The following MARCHF8 variants were observed in gnomAD, a reference collection of about 807,000 sequenced individuals.
MARCHF8 encodes the protein membrane associated ring-CH-type finger 8, also known as E3 ubiquitin-protein ligase MARCHF8.
A neutral mutation model predicts 51.6 loss-of-function variants in MARCHF8; 40 were observed. The ratio of observed to expected loss-of-function variants is 0.77; its 90% confidence interval spans 0.60 to 1.01. The LOEUF is 1.01. MARCHF8 is among the 50% of genes least tolerant of loss of function. MARCHF8 has a pLI of 0.00. For synonymous variants in MARCHF8, 263 were observed against 280.3 expected, an observed-to-expected ratio of 0.94 and a Z score of 0.62; for missense variants, 685 against 708.6, an observed-to-expected ratio of 0.97 and a Z score of 0.38.
intron 3 of MARCHF8, among the ~76,000 whole-genome samples, chr10:45,466,105 G>A (rs748720189): frequency 5.3e-5 from 8 of 151,938 alleles, no homozygotes; most frequent in Admixed American, 6.5e-5. Context: ...CCTCCTCTCG[G>A]GGCACCCATC....
chr10:45,527,825 T>G (rs1325937758), intron 2 of MARCHF8, among the ~76,000 whole-genome samples: 1 of 151,900 alleles, frequency 6.6e-6, no homozygotes, highest in Non-Finnish European at 1.5e-5. Flanking sequence ...TCAGTACCCC[T>G]AATGAACACA....
intron 2 of MARCHF8, among the ~76,000 whole-genome samples, chr10:45,532,599 A>G (rs1030276507): frequency 5.3e-5 from 8 of 152,242 alleles, no homozygotes; most frequent in Admixed American, 1.3e-4. Flanking sequence ...GCAGCTGTTT[A>G]TAAGTCAGGA....
At chr10:45,581,499 G>C (rs150244350) in intron 1 of MARCHF8, among the ~76,000 whole-genome samples, 1 of 152,260 alleles carries the variant, frequency 6.6e-6, no homozygotes, top group East Asian at 1.9e-4. Flanking sequence ...TTGGGAATGA[G>C]GGCATTGTAA....
chr10:45,494,672 T>C (rs924341285), intron 2 of MARCHF8, among the ~76,000 whole-genome samples: 2 of 152,226 alleles, frequency 1.3e-5, no homozygotes, highest in African/African-American at 2.4e-5. Flanking sequence ...TTTCCTGATA[T>C]TGCCATTGCC....
At chr10:45,469,758 G>A (rs951616616) in intron 3 of MARCHF8, among the ~76,000 whole-genome samples, 9 of 150,428 alleles carry the variant, frequency 6.0e-5, no homozygotes, top group Non-Finnish European at 4.4e-5. Flanking sequence ...CCAGCTACTC[G>A]GGAGGCTGAG....
chr10:45,512,805 T>C (rs1261034050), intron 2 of MARCHF8, among the ~76,000 whole-genome samples: 7 of 152,102 alleles, frequency 4.6e-5, no homozygotes, highest in Non-Finnish European at 7.4e-5. Flanking sequence ...GGGGAAAAGA[T>C]TGGGAAATCG....
intron 1 of MARCHF8, among the ~76,000 whole-genome samples, chr10:45,558,269 G>A (rs1324795706): frequency 2.0e-5 from 3 of 152,118 alleles, no homozygotes; most frequent in Non-Finnish European, 2.9e-5. Flanking sequence ...TCTCCAGGGG[G>A]CAGGGATCTT....
At chr10:45,548,451 A>G (rs2044154095) in intron 1 of MARCHF8, among the ~76,000 whole-genome samples, 1 of 152,196 alleles carries the variant, frequency 6.6e-6, no homozygotes, top group Non-Finnish European at 1.5e-5. Flanking sequence ...TACGTGAATT[A>G]GGTAAACCAG....
chr10:45,491,092 T>C (rs2043072860), intron 2 of MARCHF8, among the ~76,000 whole-genome samples: 1 of 152,058 alleles, frequency 6.6e-6, no homozygotes, highest in Admixed American at 6.6e-5. Flanking sequence ...AGAGACAGGG[T>C]CTTGCTATGC....
At chr10:45,539,382 G>A (rs2044019141), upstream of MARCHF8, among the ~76,000 whole-genome samples, 1 of 152,150 alleles carries the variant, frequency 6.6e-6, no homozygotes, top group Non-Finnish European at 1.5e-5. Context: ...ATCTAAAATT[G>A]ACACCTTAAC....
At chr10:45,572,879 C>A (rs1313206005) in intron 1 of MARCHF8, among the ~76,000 whole-genome samples, 4 of 152,072 alleles carry the variant, frequency 2.6e-5, no homozygotes, top group African/African-American at 9.7e-5. Context: ...CCAAGTCTTT[C>A]CATTTTTTCC....
At chr10:45,545,227 C>T (rs2044105026) in intron 1 of MARCHF8, among the ~76,000 whole-genome samples, 1 of 152,204 alleles carries the variant, frequency 6.6e-6, no homozygotes, top group African/African-American at 2.4e-5. Flanking sequence ...CAGCATATCT[C>T]ATTTTGCTCA....
Position 45,463,566 on chromosome 10 carries a change from G to T in MARCHF8, c.673C>A (p.Arg225Ser). 1.9e-6 allele frequency: 3 copies of T among 1,550,660 alleles called. No homozygotes were observed. Among genetic ancestry groups the T allele is most frequent in the Non-Finnish European group, 2.6e-6 (3 of 1,147,018 alleles). ...HSCVSCLSAG[R>S]STASEVEAGK... ...GCTTCCACCTCTGAGGCAGTTGAGC[G>T]ACCGGCAGAAAGGCATGAAACACAA... Residue 225 changes from arginine (R) to serine (S), a missense_variant, in exon 5 of 8, where the codon CGC becomes AGC. Transcript: ENST00000453424.
intron 1 of MARCHF8, among the ~76,000 whole-genome samples, chr10:45,585,642 G>A (rs1279150023): frequency 6.6e-6 from 1 of 152,146 alleles, no homozygotes; most frequent in Non-Finnish European, 1.5e-5. Flanking sequence ...GATCAGAGAA[G>A]AGAGATGAAG....
At chr10:45,501,307 G>A (rs2133143494) in intron 2 of MARCHF8, among the ~76,000 whole-genome samples, 1 of 152,216 alleles carries the variant, frequency 6.6e-6, no homozygotes, top group East Asian at 1.9e-4. Context: ...AATCACTACT[G>A]TGTGGTACTA....
rs548267222 is a variant in MARCHF8, at chr10:45,526,215, A to G, written c.102+6895T>C. On this transcript the variant is annotated intron_variant, in intron 2 of 7. Coordinates refer to ENST00000453424, the MANE Select transcript of MARCHF8 (RefSeq NM_001282866.2). ...TCACCCTTCAAATAGGTCATCTAAA[A>G]CAGAACACTGGAATTCAACTGAAAA... Among the ~76,000 whole-genome samples the G allele has an allele frequency of 3.3e-5, 5 of 152,300 alleles. No individual in the cohort carries two copies. The South Asian group carries it at 1.0e-3, about 32-fold the overall frequency.
chr10:45,536,875 AATAAT>A (rs1486135145), upstream of MARCHF8, among the ~76,000 whole-genome samples: 1 of 145,902 alleles, frequency 6.9e-6, no homozygotes, highest in East Asian at 2.0e-4. Context: ...TAATAATAAT[AATAAT>A]AAAGACAAAT....
At chr10:45,588,806 G>A (rs991278178) in intron 1 of MARCHF8, among the ~76,000 whole-genome samples, 2 of 151,906 alleles carry the variant, frequency 1.3e-5, no homozygotes, top group African/African-American at 4.8e-5. Context: ...AGACCATCCT[G>A]GCTAACACAG....
In MARCHF8 at chr10:45,503,737, T is replaced by C. The variant is rs535842735; in HGVS notation, c.103-14320A>G. Among the ~76,000 whole-genome samples the C allele has an allele frequency of 2.0e-5, 3 of 151,842 alleles. No individual in the cohort carries two copies. The East Asian group carries it at 5.8e-4, about 29-fold the overall frequency. On this transcript the variant is annotated intron_variant, in intron 2 of 7. Transcript: ENST00000453424. Reference sequence around the variant, plus strand: ...AACAACTCAAATGTCCATCAACACATAAATGGAGAGACAAAATGTGGTATT... The same window carrying C: ...AACAACTCAAATGTCCATCAACACACAAATGGAGAGACAAAATGTGGTATT...
Sources: gnomAD v4.1 joint callset for allele counts (sites outside exome capture counted in the v4.1 genomes callset) on GRCh38, gnomAD v4.1.1 for gene constraint, MANE v1.5 for transcripts, NCBI Gene and HGNC (gene_info 2026-07-23, HGNC 2026-07-21) for gene names.